Variants in DTD1 observed in about 807,000 individuals in gnomAD.
The protein encoded by DTD1 is D-tyrosyl-tRNA deacylase 1 homolog.
Under a neutral mutation model 25.6 loss-of-function variants are expected in DTD1, and 13 were observed. The ratio of observed to expected loss-of-function variants is 0.51; its 90% CI spans 0.33 to 0.81. The LOEUF is 0.81. DTD1 is among the 30% of genes least tolerant of loss of function. The pLI is 0.02. For missense variants in DTD1, 193 were observed against 266.4 expected (o/e 0.72, Z 1.92); for synonymous variants, 110 against 103.6 (o/e 1.06, Z -0.37).
At position 18,658,360 on chromosome 20, in the gene DTD1, C is replaced by G. The variant is rs2060898106; in HGVS notation, c.477+30127C>G. On this transcript the variant is annotated intron_variant, in intron 4 of 5. Coordinates refer to ENST00000377452, the MANE Select transcript of DTD1 (RefSeq NM_080820.6). The stretch of plus-strand genomic sequence containing the variant: ...TTTTTTTTTGAGACAGAGTCTCGCT[C>G]TGTCGCCCATGCTGGAGTGCAGTGG... Among the ~76,000 whole-genome samples, 5 of 151,500 alleles carry G rather than the reference C, an allele frequency of 3.3e-5. No homozygotes were observed. The South Asian group carries it at 1.0e-3, about 32-fold the overall frequency.
At chr20:18,634,046 A>T (rs901369664) in intron 4 of DTD1, among the ~76,000 whole-genome samples, 1 of 152,244 alleles carries the variant, frequency 6.6e-6, no homozygotes, top group African/African-American at 2.4e-5. Flanking sequence ...AGCAGAACCA[A>T]CTGACTGCTG....
intron 4 of DTD1, among the ~76,000 whole-genome samples, chr20:18,697,746 G>A (rs567772556): frequency 1.8e-4 from 27 of 152,110 alleles, no homozygotes; most frequent in Admixed American, 3.3e-4. Flanking sequence ...GTGCAGTGGC[G>A]CTATCTCGGC....
chr20:18,637,334 C>T (rs1470762897), intron 4 of DTD1, among the ~76,000 whole-genome samples: 2 of 152,198 alleles, frequency 1.3e-5, no homozygotes, highest in Non-Finnish European at 2.9e-5. Flanking sequence ...GGTGCCTTCT[C>T]AACGCAATTA....
chr20:18,625,080 C>T (rs1293668956), intron 3 of DTD1, among the ~76,000 whole-genome samples: 1 of 152,162 alleles, frequency 6.6e-6, no homozygotes, highest in Non-Finnish European at 1.5e-5. Flanking sequence ...CTGTTGTAGA[C>T]ACCGCCCTCA....
intron 1 of DTD1, among the ~76,000 whole-genome samples, chr20:18,589,520 G>A (rs2060580712): frequency 6.6e-6 from 1 of 152,134 alleles, no homozygotes; most frequent in African/African-American, 2.4e-5. Flanking sequence ...TTTGGTTTTG[G>A]AAATGGTCCT....
intron 5 of DTD1, among the ~76,000 whole-genome samples, chr20:18,759,854 C>A (rs1044755259): frequency 6.6e-6 from 1 of 152,182 alleles, no homozygotes; most frequent in Middle Eastern, 3.2e-3. Flanking sequence ...CCATTCTCCC[C>A]GTCACTTTCA....
At chr20:18,712,049 G>A (rs550805013) in intron 4 of DTD1, among the ~76,000 whole-genome samples, 2 of 149,884 alleles carry the variant, frequency 1.3e-5, no homozygotes, top group South Asian at 2.1e-4. Flanking sequence ...TCCAGCCTGG[G>A]TGACAGAGGG....
At chr20:18,723,229 C>T (rs1250342217) in intron 4 of DTD1, among the ~76,000 whole-genome samples, 2 of 152,164 alleles carry the variant, frequency 1.3e-5, no homozygotes, top group Non-Finnish European at 2.9e-5. Context: ...CCAAAAATAT[C>T]TCCAGAGACT....
intron 4 of DTD1, among the ~76,000 whole-genome samples, chr20:18,731,519 A>G (rs1417354858): frequency 6.6e-6 from 1 of 152,190 alleles, no homozygotes; most frequent in Non-Finnish European, 1.5e-5. Flanking sequence ...TCCGCCCTCA[A>G]TCCTTGTCCT....
intron 4 of DTD1, chr20:18,692,163 T>G (rs1357472392): frequency 6.6e-6 from 1 of 152,250 alleles, no homozygotes; most frequent in African/African-American, 2.4e-5. Context: ...TAGTTTATTC[T>G]TCACTTTAGT....
At position 18,744,210 on chromosome 20, in the gene DTD1, C is replaced by T. The variant is rs1374389837; in HGVS notation, c.588C>T (p.Ser196=). 5.6e-6 allele frequency: 9 copies of T among 1,612,280 alleles called. No homozygotes were observed. The highest frequency in any genetic ancestry group is 1.3e-5 in the African/African-American group (1 of 75,008). ...NTPRKEDRSA[S]SGAEGDVSSE... ...CCCGAAAAGAAGACCGCAGTGCCAG[C>T]AGCGGGGCTGAGGGCGACGTGTCCT... Residue 196 remains serine, a synonymous_variant, in exon 5 of 6, where the codon AGC becomes AGT. Transcript: ENST00000377452.
chr20:18,600,780 C>A (rs57225231), intron 3 of DTD1, among the ~76,000 whole-genome samples: 1 of 152,258 alleles, frequency 6.6e-6, no homozygotes, highest in East Asian at 1.9e-4. Flanking sequence ...TCTTTAATCA[C>A]TTCTTTAATT....
intron 5 of DTD1, among the ~76,000 whole-genome samples, chr20:18,748,698 CCA>C (rs2061310079): frequency 6.6e-6 from 1 of 152,138 alleles, no homozygotes; most frequent in Non-Finnish European, 1.5e-5. Flanking sequence ...ACATTTTTCC[CCA>C]GTGTCTAAGT....
chr20:18,718,624 G>A (rs1263529753), intron 4 of DTD1, among the ~76,000 whole-genome samples: 3 of 152,124 alleles, frequency 2.0e-5, no homozygotes, highest in African/African-American at 7.2e-5. Flanking sequence ...ATATGAATTT[G>A]CTGCTTTTTG....
intron 3 of DTD1, among the ~76,000 whole-genome samples, chr20:18,609,610 C>T (rs1377209846): frequency 6.6e-6 from 1 of 152,100 alleles, no homozygotes; most frequent in African/African-American, 2.4e-5. Flanking sequence ...ATTGTCAGCT[C>T]ATTTGATGTG....
intron 4 of DTD1, 145 bp from the exon 5 acceptor site, chr20:18,743,955 T>C: frequency 1.3e-6 from 1 of 753,840 alleles, no homozygotes; most frequent in Non-Finnish European, 2.1e-6. Flanking sequence ...CTGTGTATAA[T>C]TTGGTATATC....
At chr20:18,624,355 C>T (rs2060748986) in intron 3 of DTD1, among the ~76,000 whole-genome samples, 1 of 152,196 alleles carries the variant, frequency 6.6e-6, no homozygotes, top group African/African-American at 2.4e-5. Context: ...TGAATGCAGA[C>T]CCTATCCCAT....
intron 3 of DTD1, among the ~76,000 whole-genome samples, chr20:18,626,714 A>G (rs1600328337): frequency 1.3e-5 from 2 of 152,334 alleles, no homozygotes; most frequent in South Asian, 2.1e-4. Flanking sequence ...CTTTGGATTT[A>G]TCATCTGTAC....
At chr20:18,696,695 C>T (rs1032979088) in intron 4 of DTD1, among the ~76,000 whole-genome samples, 7 of 152,006 alleles carry the variant, frequency 4.6e-5, no homozygotes, top group Non-Finnish European at 8.8e-5. Context: ...GCTGGGATTA[C>T]AGGCATGCAC....
Sources: gnomAD v4.1 joint callset for allele counts (sites outside exome capture counted in the v4.1 genomes callset) on GRCh38, gnomAD v4.1.1 for gene constraint, MANE v1.5 for transcripts, NCBI Gene and HGNC (gene_info 2026-07-23, HGNC 2026-07-21) for gene names.